The following EIF4E variants were observed in gnomAD, a reference collection of about 807,000 sequenced individuals.
EIF4E encodes eIF-4F 25 kDa subunit.
For synonymous variants in EIF4E, 71 were observed against 88.5 expected, an observed-to-expected ratio of 0.80 and a Z score of 1.11; for missense variants, 113 against 265.6, an observed-to-expected ratio of 0.43 and a Z score of 3.99.
At chr4:98,901,738 G>A (rs1724657787) in intron 2 of EIF4E, 138 bp downstream of exon 2, 3 of 804,552 alleles carry the variant, frequency 3.7e-6, no homozygotes, top group Non-Finnish European at 6.5e-6. Context: ...CTGGTCATGG[G>A]TCATCCAAGT....
chr4:98,924,759 A>C (rs1725799325), intron 1 of EIF4E, among the ~76,000 whole-genome samples: 2 of 151,868 alleles, frequency 1.3e-5, no homozygotes, highest in Admixed American at 6.6e-5. Flanking sequence ...GGCCTGGCTA[A>C]TTTTTGTATT....
chr4:98,903,360 G>GTTTTTTTTTTTTTTTTTTTTT, intron 1 of EIF4E: 1 of 384,680 alleles, frequency 2.6e-6, no homozygotes. Flanking sequence ...AAGAATATGG[G>GTTTTTTTTTTTTTTTTTTTTT]TTTTTTTTTT....
chr4:98,915,418 G>C (rs946841843), intron 1 of EIF4E, among the ~76,000 whole-genome samples: 1 of 151,990 alleles, frequency 6.6e-6, no homozygotes, highest in African/African-American at 2.4e-5. Flanking sequence ...TGTTCAAAAT[G>C]TATTATAACA....
intron 3 of EIF4E, chr4:98,890,966 G>T (rs1172527484): frequency 8.5e-6 from 4 of 470,758 alleles, no homozygotes; most frequent in African/African-American, 7.9e-5. Flanking sequence ...GTTCCAACTA[G>T]CTGTCAAAAG....
At chr4:98,886,351 C>A in intron 5 of EIF4E, 1 of 292,192 alleles carries the variant, frequency 3.4e-6, no homozygotes, top group Non-Finnish European at 7.0e-6. Flanking sequence ...CCAGAAGTTC[C>A]AGTTAATATC....
rs59729154 is a variant in EIF4E at position 98,896,486 on chromosome 4, CAAAAAAAA to C, written c.126-5162_126-5155del. Among the ~76,000 whole-genome samples the C allele has an allele frequency of 7.7e-4, 30 of 39,014 alleles. 1 individual carries two copies. Among genetic ancestry groups the C allele is most frequent in the African/African-American group, 3.7e-3 (30 of 8,214 alleles). 25.6% of individuals were successfully genotyped at this position (39,014 alleles called of 152,430 possible). ...CAACATAGCAAGACCCCGCATCTCT[CAAAAAAAA>C]AAAAAAAAAAAAAAAACACCTTAGC... On this transcript the variant is annotated intron_variant, in intron 2 of 6. Coordinates refer to ENST00000450253, the MANE Select transcript of EIF4E (RefSeq NM_001968.5).
chr4:98,911,681 AAAAAAG>A (rs1302649028), intron 1 of EIF4E, among the ~76,000 whole-genome samples: 13 of 150,320 alleles, frequency 8.6e-5, no homozygotes, highest in African/African-American at 3.2e-4. Context: ...AAAAAAAAAA[AAAAAAG>A]AAGACTTGTG....
At chr4:98,907,568 TAC>T (rs1724926207) in intron 1 of EIF4E, among the ~76,000 whole-genome samples, 1 of 152,194 alleles carries the variant, frequency 6.6e-6, no homozygotes, top group South Asian at 2.1e-4. Flanking sequence ...ACTTCACTAC[TAC>T]AGTTTTCCTC....
intron 1 of EIF4E, among the ~76,000 whole-genome samples, chr4:98,922,339 C>A (rs556003099): frequency 3.6e-3 from 552 of 152,108 alleles, no homozygotes; most frequent in Non-Finnish European, 6.8e-3. Context: ...GGGCGGATCA[C>A]GAGGTCAGGA....
chr4:98,922,027 CCA>C (rs1725663180), intron 1 of EIF4E, among the ~76,000 whole-genome samples: 1 of 152,068 alleles, frequency 6.6e-6, no homozygotes. Flanking sequence ...AAATAAATGC[CCA>C]CACGTTTTAT....
chr4:98,896,506 A>AC (rs1424185424), intron 2 of EIF4E, among the ~76,000 whole-genome samples: 15 of 148,952 alleles, frequency 1.0e-4, no homozygotes, highest in Non-Finnish European at 2.2e-4. Flanking sequence ...AAAAAAAAAA[A>AC]AAAACACCTT....
chr4:98,882,948 A>C (rs1466262907), intron 6 of EIF4E, among the ~76,000 whole-genome samples: 1 of 152,260 alleles, frequency 6.6e-6, no homozygotes, highest in African/African-American at 2.4e-5. Context: ...TGAAATGTAG[A>C]AAATCCCTAT....
At chr4:98,919,691 T>C (rs1302492021) in intron 1 of EIF4E, among the ~76,000 whole-genome samples, 1 of 151,848 alleles carries the variant, frequency 6.6e-6, no homozygotes, top group Non-Finnish European at 1.5e-5. Flanking sequence ...CCCGAGTAGC[T>C]GGGACTACAG....
chr4:98,916,545 A>G (rs1725390972), intron 1 of EIF4E, among the ~76,000 whole-genome samples: 2 of 152,222 alleles, frequency 1.3e-5, no homozygotes, highest in Admixed American at 1.3e-4. Context: ...GGATGAAAAC[A>G]GACTTATACT....
At chr4:98,885,921 T>A (rs1221779318) in intron 5 of EIF4E, among the ~76,000 whole-genome samples, 2 of 152,196 alleles carry the variant, frequency 1.3e-5, no homozygotes, top group Admixed American at 6.5e-5. Context: ...TCCTGACTTT[T>A]TAATGTGGAA....
In EIF4E at chr4:98,881,153, A is replaced by C. The variant is rs1023785703; in HGVS notation, c.540-11T>G. The C allele has an allele frequency of 1.9e-5, 30 of 1,607,002 alleles. No homozygotes were observed. The highest frequency in any genetic ancestry group is 2.5e-5 in the Non-Finnish European group (30 of 1,178,496). On this transcript the variant is annotated splice_polypyrimidine_tract_variant and intron_variant, in intron 6 of 6. Coordinates refer to ENST00000450253, the MANE Select transcript of EIF4E (RefSeq NM_001968.5). The stretch of plus-strand genomic sequence containing the variant: ...TCCTTGTATACCCTCCTAGAAGAAA[A>C]AAAAAAAGAAGAAGAAAAAAGTAGT...
At chr4:98,895,610 T>G (rs1388681208) in intron 2 of EIF4E, 5 of 152,164 alleles carry the variant, frequency 3.3e-5, no homozygotes, top group South Asian at 4.1e-4. Context: ...TGATAATTTG[T>G]CAGCAACTGC....
At position 98,881,027 on chromosome 4, in the gene EIF4E, C is replaced by T. The variant is rs752925618; in HGVS notation, c.*1G>A. ...TATGAGAATACTCAGAAGGTGTCTTCTTAAACAACAAACCTATTTTTAGTG... is the reference window on the plus strand; with the variant it reads ...TATGAGAATACTCAGAAGGTGTCTTTTTAAACAACAAACCTATTTTTAGTG... On this transcript the variant is annotated 3_prime_UTR_variant, in exon 7 of 7. Coordinates refer to ENST00000450253, the MANE Select transcript of EIF4E (RefSeq NM_001968.5). 4.4e-6 allele frequency: 7 copies of T among 1,608,792 alleles called. No homozygotes were observed. The South Asian group carries it at 7.7e-5, about 18-fold the overall frequency.
chr4:98,913,825 C>G (rs1725253234), intron 1 of EIF4E, among the ~76,000 whole-genome samples: 1 of 151,668 alleles, frequency 6.6e-6, no homozygotes, highest in South Asian at 2.1e-4. Flanking sequence ...AGTTCCAAGC[C>G]AAAACTAAAT....
Sources: gnomAD v4.1 joint callset for allele counts (sites outside exome capture counted in the v4.1 genomes callset) on GRCh38, gnomAD v4.1.1 for gene constraint, MANE v1.5 for transcripts, NCBI Gene and HGNC (gene_info 2026-07-23, HGNC 2026-07-21) for gene names.